VAV2: variants seen among roughly 807,000 people sequenced by gnomAD.
The protein encoded by VAV2 is guanine nucleotide exchange factor VAV2.
In VAV2, 67 loss-of-function variants were observed where a neutral mutation model predicts 132.5. That is an observed-to-expected ratio of 0.51 (90% CI 0.42 to 0.62). VAV2 has a LOEUF of 0.62. VAV2 is among the 20% of genes least tolerant of loss of function. The pLI, the probability that VAV2 is intolerant of heterozygous loss-of-function variation, is 0.00. For missense variants in VAV2, 938 were observed against 1,153.6 expected (o/e 0.81, Z 2.71); for synonymous variants, 492 against 443.5 (o/e 1.11, Z -1.37).
At chr9:133,941,390 A>G (rs2789849) in intron 1 of VAV2, among the ~76,000 whole-genome samples, 276 of 149,376 alleles carry the variant, frequency 1.8e-3, no homozygotes, top group Non-Finnish European at 3.5e-3. Context: ...CCTGGGTGAC[A>G]GAGCGAGACT....
chr9:133,772,581 G>A lies in VAV2; in HGVS notation c.2136-535C>T, dbSNP rs532854348. On this transcript the variant is annotated intron_variant, in intron 25 of 29. Coordinates refer to ENST00000371850, the MANE Select transcript of VAV2 (RefSeq NM_001134398.2). ...TGTCCTCACGTCTCAATTCAAATGT[G>A]ACCTTACAGAGGAGCCCCCATATCC... Among the ~76,000 whole-genome samples, 6 of 152,192 alleles carry A rather than the reference G, an allele frequency of 3.9e-5. No homozygotes were observed. The South Asian group carries it at 1.2e-3, about 32-fold the overall frequency.
chr9:133,769,628 G>C lies in VAV2; in HGVS notation c.2348-125C>G. On this transcript the variant is annotated intron_variant, in intron 27 of 29. Coordinates refer to ENST00000371850, the MANE Select transcript of VAV2 (RefSeq NM_001134398.2). This position sits in a 1 kb window ranked among gnomAD's most constrained non-coding sequence, Gnocchi z 8.1. ...CCCTTTGGCAGGAGAGGCCCTACAG[G>C]GGGGCAAAGGAGGCAGGGGGCAGCA... 5.9e-6 allele frequency: 6 copies of C among 1,018,868 alleles called. No individual in the cohort carries two copies. Among genetic ancestry groups the C allele is most frequent in the Non-Finnish European group, 8.6e-6 (6 of 698,418 alleles). 63.1% of individuals were successfully genotyped at this position (1,018,868 alleles called of 1,614,324 possible). A position where few individuals can be genotyped will look rare whatever the true frequency, so the allele number is the denominator to read the frequency against.
intron 17 of VAV2, 81 bp downstream of exon 17, chr9:133,785,695 C>A: frequency 7.1e-7 from 1 of 1,399,864 alleles, no homozygotes. Flanking sequence ...TGAGAGGAAC[C>A]ACAGACACAA....
intron 3 of VAV2, among the ~76,000 whole-genome samples, chr9:133,846,939 G>A (rs1304543415): frequency 1.3e-5 from 2 of 152,188 alleles, no homozygotes; most frequent in African/African-American, 4.8e-5. Flanking sequence ...CAGTAACCCC[G>A]AGGGGATGGG....
intron 20 of VAV2, 151 bp downstream of exon 20, chr9:133,780,543 A>G: frequency 1.0e-6 from 1 of 954,328 alleles, no homozygotes; most frequent in Non-Finnish European, 1.4e-6. Context: ...CACCAAGGAA[A>G]GCAGAGGCAT....
intron 1 of VAV2, among the ~76,000 whole-genome samples, chr9:133,940,133 G>T (rs965841875): frequency 2.0e-5 from 3 of 152,222 alleles, no homozygotes; most frequent in African/African-American, 7.2e-5. Flanking sequence ...CCAGCAGGGA[G>T]ACCAGGGTGA....
At chr9:133,773,385 T>C (rs1474403141) in intron 25 of VAV2, among the ~76,000 whole-genome samples, 1 of 152,244 alleles carries the variant, frequency 6.6e-6, no homozygotes, top group East Asian at 1.9e-4. Flanking sequence ...CTGGGTGAGC[T>C]GGAGAGTGGT....
Position 133,991,130 on chromosome 9 carries a change from G to C in VAV2, c.204+945C>G, listed in dbSNP as rs1236876703. On this transcript the variant is annotated intron_variant, in intron 1 of 29. Transcript: ENST00000371850. This position sits in a 1 kb window ranked among gnomAD's most constrained non-coding sequence, Gnocchi z 4.8. Reference sequence around the variant, plus strand: ...ACTGCGCGCGGTGAGGGGCTGCTGAGCTGGCTGGAAGACCGCACCTCCTCG... The same window carrying C: ...ACTGCGCGCGGTGAGGGGCTGCTGACCTGGCTGGAAGACCGCACCTCCTCG... Among the ~76,000 whole-genome samples, 1 of 152,110 alleles carries C rather than the reference G, an allele frequency of 6.6e-6. No individual in the cohort carries two copies. The highest frequency in any genetic ancestry group is 2.4e-5 in the African/African-American group (1 of 41,408).
chr9:133,860,764 A>T (rs1837563323), intron 3 of VAV2, among the ~76,000 whole-genome samples: 1 of 152,210 alleles, frequency 6.6e-6, no homozygotes, highest in South Asian at 2.1e-4. Context: ...TCTGTGGGTC[A>T]GAATCCACAG....
At position 133,823,816 on chromosome 9, in the gene VAV2, C is replaced by T. The variant is rs111266892; in HGVS notation, c.449+10456G>A. ...CAGTCCTGAAAGCACTCGAGTTTAA[C>T]GAGGTATTAAAAATGAAAACCCCTG... On this transcript the variant is annotated intron_variant, in intron 4 of 29. Transcript: ENST00000371850. The surrounding 1 kb of genome is among the most constrained non-coding windows in gnomAD (Gnocchi z 5.5). Among the ~76,000 whole-genome samples, 305 of 152,286 alleles carry T rather than the reference C, an allele frequency of 2.0e-3. 1 individual carries two copies. Among genetic ancestry groups the T allele is most frequent in the African/African-American group, 7.2e-3 (298 of 41,556 alleles).
At chr9:133,978,229 G>T (rs1001049541) in intron 1 of VAV2, among the ~76,000 whole-genome samples, 1 of 152,216 alleles carries the variant, frequency 6.6e-6, no homozygotes, top group African/African-American at 2.4e-5. Flanking sequence ...GGATCTCACT[G>T]CCACCTCCTC....
chr9:133,907,952 G>C (rs1435399841), intron 2 of VAV2, among the ~76,000 whole-genome samples: 1 of 89,574 alleles, frequency 1.1e-5, no homozygotes, highest in Non-Finnish European at 2.1e-5. Flanking sequence ...CCCTCCCCCA[G>C]AGAGTGGAGG....
chr9:133,811,590 G>A (rs2131701666), intron 5 of VAV2, among the ~76,000 whole-genome samples: 1 of 152,300 alleles, frequency 6.6e-6, no homozygotes, highest in African/African-American at 2.4e-5. Flanking sequence ...GGAGCAAACT[G>A]GCGTCCGAGA....
rs557492556 is a variant in VAV2, at chr9:133,961,141, G to C, written c.205-21922C>G. Among the ~76,000 whole-genome samples the C allele has an allele frequency of 1.3e-5, 2 of 152,224 alleles. No individual in the cohort carries two copies. Among genetic ancestry groups the C allele is most frequent in the Non-Finnish European group, 2.9e-5 (2 of 68,042 alleles). On this transcript the variant is annotated intron_variant, in intron 1 of 29. Transcript: ENST00000371850. The surrounding 1 kb of genome is among the most constrained non-coding windows in gnomAD (Gnocchi z 4.1). Reference sequence around the variant, plus strand: ...TGAGCGCTTTTAGTTAGCCCAACACGGACCAAGGCCACCTCGGCTTCATTC... The same window carrying C: ...TGAGCGCTTTTAGTTAGCCCAACACCGACCAAGGCCACCTCGGCTTCATTC...
intron 4 of VAV2, among the ~76,000 whole-genome samples, chr9:133,831,640 CCA>C (rs1449853713): frequency 2.0e-5 from 3 of 152,148 alleles, no homozygotes; most frequent in African/African-American, 7.2e-5. Flanking sequence ...CAGTCCCTGG[CCA>C]CATAAGGCCG....
intron 14 of VAV2, 29 bp downstream of exon 14, chr9:133,789,229 A>C (rs1267361068): frequency 1.2e-6 from 2 of 1,611,664 alleles, no homozygotes; most frequent in Non-Finnish European, 1.7e-6. Flanking sequence ...GCGGGACGCC[A>C]CCCAGCCCAC....
intron 1 of VAV2, among the ~76,000 whole-genome samples, chr9:133,939,635 G>A (rs546860641): frequency 2.8e-4 from 43 of 152,364 alleles, no homozygotes; most frequent in African/African-American, 8.9e-4. Flanking sequence ...AGCACATGTC[G>A]AGGCCGACAG....
chr9:133,889,762 A>AC (rs200965924), intron 2 of VAV2, among the ~76,000 whole-genome samples: 99,068 of 151,654 alleles, frequency 0.65, 34,168 homozygotes, highest in Middle Eastern at 0.87. Context: ...ACACACACAC[A>AC]AAAAATTTTT....
At chr9:133,870,124 A>G (rs1028597099) in intron 2 of VAV2, among the ~76,000 whole-genome samples, 2 of 152,174 alleles carry the variant, frequency 1.3e-5, no homozygotes, top group African/African-American at 4.8e-5. Context: ...ACAGCTTCAC[A>G]TTCAGGTTTT....
Sources: allele counts gnomAD v4.1 joint callset (sites outside exome capture counted in the v4.1 genomes callset), GRCh38; gene constraint gnomAD v4.1.1; non-coding constraint Gnocchi (gnomAD v3.1); transcripts MANE v1.5; gene names NCBI Gene and HGNC (gene_info 2026-07-23, HGNC 2026-07-21).